S100Z: variants seen among roughly 807,000 people sequenced by gnomAD.
S100Z encodes protein S100-Z.
A neutral mutation model predicts 8.5 loss-of-function variants in S100Z; 11 were observed. The ratio of observed to expected loss-of-function variants is 1.30; its 90% confidence interval spans 0.82 to 2.15. The LOEUF (loss-of-function observed/expected upper bound fraction) is 2.15. Among genes scored for constraint, S100Z ranks in the 30% most tolerant of loss-of-function variants. S100Z has a pLI of 0.00. For missense variants in S100Z, 126 were observed against 117.9 expected (o/e 1.07, Z -0.32); for synonymous variants, 34 against 43.8 (o/e 0.78, Z 0.89).
At chr5:76,875,872 G>A (rs1047425580) in intron 3 of S100Z, among the ~76,000 whole-genome samples, 2 of 152,140 alleles carry the variant, frequency 1.3e-5, no homozygotes, top group African/African-American at 4.8e-5. Flanking sequence ...TTGGGCCAGA[G>A]GTGAAGGGGT....
chr5:76,889,569 A>G (rs1270173735), intron 4 of S100Z, among the ~76,000 whole-genome samples: 1 of 152,274 alleles, frequency 6.6e-6, no homozygotes, highest in African/African-American at 2.4e-5. Context: ...CAGGATAGAC[A>G]TTATTAACAC....
chr5:76,935,039 C>T, the S100Z span, among the ~76,000 whole-genome samples: 2 of 152,126 alleles, frequency 1.3e-5, no homozygotes, highest in Non-Finnish European at 2.9e-5. Flanking sequence ...CGGTTTATGT[C>T]AATATGTATT....
chr5:76,885,915 G>A (rs369096720), intron 4 of S100Z, among the ~76,000 whole-genome samples: 2 of 149,450 alleles, frequency 1.3e-5, no homozygotes, highest in African/African-American at 2.5e-5. Context: ...GAGAAGGAGT[G>A]GGGGGTGCTT....
chr5:76,886,746 A>G (rs1236174603), intron 4 of S100Z, among the ~76,000 whole-genome samples: 1 of 152,084 alleles, frequency 6.6e-6, no homozygotes, highest in Non-Finnish European at 1.5e-5. Context: ...TAGGCGGTGG[A>G]GTTAGGAGCA....
At chr5:76,908,472 T>G (rs1744534415) in intron 4 of S100Z, among the ~76,000 whole-genome samples, 1 of 152,218 alleles carries the variant, frequency 6.6e-6, no homozygotes, top group African/African-American at 2.4e-5. Context: ...CTGTCTCTGG[T>G]GCTTTTCTAG....
intron 4 of S100Z, among the ~76,000 whole-genome samples, chr5:76,893,215 A>G (rs1272909515): frequency 6.6e-6 from 1 of 152,196 alleles, no homozygotes; most frequent in Admixed American, 6.5e-5. Flanking sequence ...TGGTGTAAAA[A>G]TTGCGGCAGA....
intron 4 of S100Z, among the ~76,000 whole-genome samples, chr5:76,886,698 G>T (rs1312818719): frequency 6.6e-6 from 1 of 152,212 alleles, no homozygotes; most frequent in Non-Finnish European, 1.5e-5. Context: ...AGTCAGCAAA[G>T]GGTGGTGGAT....
rs184031348 is a variant in S100Z, at chr5:76,901,968, G to A, written c.*3-18749G>A. ...CGGGTTCTTTCCTTCAAGGCAGCAG[G>A]TTCCCTCCTGGCCCAAAGTGTGTCT... is the stretch of plus-strand genomic sequence containing the variant. On this transcript the variant is annotated intron_variant, in intron 4 of 4. Coordinates refer to ENST00000317593, the MANE Select transcript of S100Z (RefSeq NM_130772.4). 3.5e-3 allele frequency among the ~76,000 whole-genome samples: 526 copies of A among 152,218 alleles called. 2 individuals carry two copies. Among genetic ancestry groups the A allele is most frequent in the African/African-American group, 0.012 (495 of 41,560 alleles).
At chr5:76,899,307 A>G (rs558229357) in intron 4 of S100Z, among the ~76,000 whole-genome samples, 9 of 151,182 alleles carry the variant, frequency 6.0e-5, no homozygotes, top group Admixed American at 3.9e-4. Context: ...CAGCCAGTCT[A>G]TGTCTTTTGA....
chr5:76,863,829 C>T (rs541107083), intron 1 of S100Z, among the ~76,000 whole-genome samples: 23 of 152,200 alleles, frequency 1.5e-4, no homozygotes, highest in South Asian at 8.3e-4. Context: ...TGAGCCACTG[C>T]GCCCGGCCAA....
chr5:76,863,808 G>A (rs187414952), intron 1 of S100Z, among the ~76,000 whole-genome samples: 15 of 152,312 alleles, frequency 9.8e-5, no homozygotes, highest in South Asian at 2.1e-4. Flanking sequence ...AAAGTACTGG[G>A]ATTACAGGTG....
At chr5:76,886,625 C>T (rs1743646853) in intron 4 of S100Z, among the ~76,000 whole-genome samples, 1 of 152,120 alleles carries the variant, frequency 6.6e-6, no homozygotes, top group Non-Finnish European at 1.5e-5. Context: ...ACCAAACAGG[C>T]TTTGTGTGAG....
At chr5:76,885,433 T>C in intron 4 of S100Z, among the ~76,000 whole-genome samples, 1 of 68,906 alleles carries the variant, frequency 1.5e-5, no homozygotes, top group African/African-American at 9.3e-5. Flanking sequence ...GGGAACAGGG[T>C]GGGAGGTGCT....
At chr5:76,909,125 G>A (rs1289493221) in intron 4 of S100Z, among the ~76,000 whole-genome samples, 2 of 152,156 alleles carry the variant, frequency 1.3e-5, no homozygotes, top group Non-Finnish European at 2.9e-5. Flanking sequence ...TACTGCATCG[G>A]TGAGCACAGC....
chr5:76,888,115 G>T (rs1357428730), intron 4 of S100Z, among the ~76,000 whole-genome samples: 1 of 151,588 alleles, frequency 6.6e-6, no homozygotes, highest in Non-Finnish European at 1.5e-5. Context: ...AAATTAGCTA[G>T]GCATGGTAGT....
intron 3 of S100Z, among the ~76,000 whole-genome samples, chr5:76,875,842 A>G (rs1343823872): frequency 6.6e-6 from 1 of 152,200 alleles, no homozygotes; most frequent in East Asian, 1.9e-4. Flanking sequence ...AGCTTGGTCC[A>G]GCTGTCTGTA....
intron 1 of S100Z, among the ~76,000 whole-genome samples, chr5:76,852,034 A>C (rs1404514378): frequency 6.6e-6 from 1 of 150,914 alleles, no homozygotes; most frequent in Non-Finnish European, 1.5e-5. Flanking sequence ...AATTCTTAAA[A>C]ATTAAAATTT....
intron 1 of S100Z, among the ~76,000 whole-genome samples, chr5:76,857,683 G>C (rs1297239412): frequency 1.3e-5 from 2 of 151,874 alleles, no homozygotes; most frequent in African/African-American, 4.8e-5. Context: ...ATTTTTTTAG[G>C]AGAGACGGGG....
intron 1 of S100Z, among the ~76,000 whole-genome samples, chr5:76,855,044 C>A (rs1187550609): frequency 6.6e-6 from 1 of 152,226 alleles, no homozygotes; most frequent in Admixed American, 6.5e-5. Context: ...TGGTGTTAAG[C>A]CTGTGAGTGC....
Sources: gnomAD v4.1 joint callset for allele counts (sites outside exome capture counted in the v4.1 genomes callset) on GRCh38, gnomAD v4.1.1 for gene constraint, MANE v1.5 for transcripts, NCBI Gene and HGNC (gene_info 2026-07-23, HGNC 2026-07-21) for gene names.